The following SOAT1 variants were observed in gnomAD, a reference collection of about 807,000 sequenced individuals.
SOAT1 encodes sterol O-acyltransferase 1, also known as acyl-coenzyme A:cholesterol acyltransferase 1.
In SOAT1, 55 loss-of-function variants were observed where a neutral mutation model predicts 69.5. That is an observed-to-expected ratio of 0.79 (90% CI 0.64 to 0.99). SOAT1 has a LOEUF of 0.99. Among genes scored for constraint, SOAT1 ranks in the 50% least tolerant of loss-of-function variants. SOAT1 has a pLI of 0.00. For synonymous variants in SOAT1, 231 were observed against 224.7 expected, an observed-to-expected ratio of 1.03 and a Z score of -0.25; for missense variants, 580 against 669.3, an observed-to-expected ratio of 0.87 and a Z score of 1.47.
intron 6 of SOAT1, 30 bp downstream of exon 6, chr1:179,339,575 T>G: frequency 7.0e-7 from 1 of 1,430,754 alleles, no homozygotes. Context: ...GGCTGGCTAG[T>G]TGATGCATGA....
intron 2 of SOAT1, among the ~76,000 whole-genome samples, chr1:179,311,623 TTACTATTAC>T (rs1417607211): frequency 7.2e-5 from 11 of 152,322 alleles, no homozygotes; most frequent in Admixed American, 7.2e-4. Context: ...TGCCATTATA[TTACTATTAC>T]TATGTAACTT....
rs748233265 is a variant in SOAT1 at position 179,350,260 on chromosome 1, T to C, written c.1315-36T>C. The C allele has an allele frequency of 6.3e-6, 10 of 1,588,090 alleles. No individual in the cohort carries two copies. The East Asian group carries it at 1.6e-4, about 25-fold the overall frequency. On this transcript the variant is annotated intron_variant, in intron 13 of 15. Transcript: ENST00000367619. The stretch of plus-strand genomic sequence containing the variant: ...ATAATCCATGCTTGCTTTAAATTTT[T>C]AAAAATTACTTTGTAGTGTTTTCCT...
chr1:179,310,263 G>T (rs1377979309), intron 2 of SOAT1, among the ~76,000 whole-genome samples: 2 of 30,402 alleles, frequency 6.6e-5, no homozygotes, highest in African/African-American at 1.3e-4. Flanking sequence ...AAGAAAACAT[G>T]ACTTTTTTTT....
At chr1:179,334,023 T>C (rs1003994524) in intron 3 of SOAT1, among the ~76,000 whole-genome samples, 1 of 152,220 alleles carries the variant, frequency 6.6e-6, no homozygotes, top group African/African-American at 2.4e-5. Flanking sequence ...CTTGCAATGC[T>C]CTAGATGACC....
chr1:179,342,067 C>G, intron 7 of SOAT1, 47 bp from the exon 8 acceptor site: 1 of 1,611,096 alleles, frequency 6.2e-7, no homozygotes, highest in Non-Finnish European at 8.5e-7. Context: ...AGGACACTTG[C>G]AGGAGACTTT....
intron 2 of SOAT1, among the ~76,000 whole-genome samples, chr1:179,313,804 G>A (rs6694339): frequency 0.22 from 33,019 of 152,040 alleles, 4,599 homozygotes; most frequent in East Asian, 0.38. Context: ...GGCTGGTCTC[G>A]AACTCCTGAC....
At chr1:179,340,257 G>C (rs553783382) in intron 6 of SOAT1, among the ~76,000 whole-genome samples, 1 of 152,196 alleles carries the variant, frequency 6.6e-6, no homozygotes, top group East Asian at 1.9e-4. Flanking sequence ...CACTTTGGGA[G>C]GCCGAGGCGG....
intron 1 of SOAT1, among the ~76,000 whole-genome samples, chr1:179,296,743 T>C (rs1216025819): frequency 6.6e-6 from 1 of 152,210 alleles, no homozygotes; most frequent in Non-Finnish European, 1.5e-5. Context: ...CAAAGTTCTT[T>C]ACCTGGAGTA....
At chr1:179,304,527 C>A (rs1327813070) in intron 2 of SOAT1, among the ~76,000 whole-genome samples, 1 of 151,354 alleles carries the variant, frequency 6.6e-6, no homozygotes, top group Non-Finnish European at 1.5e-5. Flanking sequence ...ATCCACCAAC[C>A]TTAGCCTCCC....
chr1:179,316,176 C>T (rs1340996872), intron 2 of SOAT1, among the ~76,000 whole-genome samples: 2 of 152,082 alleles, frequency 1.3e-5, no homozygotes, highest in East Asian at 3.9e-4. Context: ...TTCCTCAAAG[C>T]CCTTGTTATT....
At chr1:179,343,143 G>A (rs1487062597) in intron 9 of SOAT1, among the ~76,000 whole-genome samples, 200 bp downstream of exon 9, 1 of 151,884 alleles carries the variant, frequency 6.6e-6, no homozygotes, top group Non-Finnish European at 1.5e-5. Context: ...GAATTATAAA[G>A]TATTTCATAT....
intron 2 of SOAT1, among the ~76,000 whole-genome samples, chr1:179,306,615 G>A (rs894008076): frequency 6.6e-6 from 1 of 151,976 alleles, no homozygotes; most frequent in African/African-American, 2.4e-5. Context: ...GGCAGATCAC[G>A]AGGTCAGGAG....
chr1:179,339,934 A>G (rs1666276661), intron 6 of SOAT1, among the ~76,000 whole-genome samples: 8 of 152,128 alleles, frequency 5.3e-5, no homozygotes. Flanking sequence ...GCTGATTGGG[A>G]TCTAGAGTAT....
At chr1:179,331,882 C>A (rs1665988216) in intron 3 of SOAT1, among the ~76,000 whole-genome samples, 1 of 152,162 alleles carries the variant, frequency 6.6e-6, no homozygotes, top group Admixed American at 6.5e-5. Context: ...TTAAAAGATT[C>A]TCTGTGCAAA....
intron 12 of SOAT1, 67 bp downstream of exon 12, chr1:179,347,764 C>T (rs937942746): frequency 1.1e-6 from 1 of 928,990 alleles, no homozygotes. Context: ...AGTATTTTGA[C>T]ATTGTTGGCT....
rs1666100826 is a variant in SOAT1 at position 179,335,033 on chromosome 1, A to G, written c.178-473A>G. 4.6e-5 allele frequency among the ~76,000 whole-genome samples: 7 copies of G among 151,080 alleles called. No individual in the cohort carries two copies. The South Asian group carries it at 1.5e-3, about 31-fold the overall frequency. On this transcript the variant is annotated intron_variant, in intron 3 of 15. Transcript: ENST00000367619. ...TCCATCTCAAAAAAAAAAAAAAAAA[A>G]AAAAGAAAGAAAAAAGAGAACTTAG...
chr1:179,305,345 C>A (rs1157753368), intron 2 of SOAT1, among the ~76,000 whole-genome samples: 1 of 152,110 alleles, frequency 6.6e-6, no homozygotes, highest in African/African-American at 2.4e-5. Context: ...CAGCCTCGAT[C>A]TCCTGGCCTC....
Position 179,345,194 on chromosome 1 carries a change from C to T in SOAT1, c.1117+118C>T, listed in dbSNP as rs1666486655. 5 of 887,042 alleles carry T rather than the reference C, an allele frequency of 5.6e-6. No individual in the cohort carries two copies. In the African/African-American group the frequency reaches 6.7e-5, roughly 12 times the overall value. 54.9% of individuals were successfully genotyped at this position (887,042 alleles called of 1,614,324 possible). On this transcript the variant is annotated intron_variant, in intron 11 of 15. Transcript: ENST00000367619. ...TCATCTAAACTTCTATACATCTATG[C>T]CCATCTTGACCTCTTTTGCATCTAC...
At chr1:179,296,724 G>A (rs1208178015) in intron 1 of SOAT1, among the ~76,000 whole-genome samples, 2 of 152,144 alleles carry the variant, frequency 1.3e-5, no homozygotes, top group Non-Finnish European at 2.9e-5. Flanking sequence ...GAATCTAAGG[G>A]TGATGTGGCA....
Sources: gnomAD v4.1 joint callset for allele counts (sites outside exome capture counted in the v4.1 genomes callset) on GRCh38, gnomAD v4.1.1 for gene constraint, MANE v1.5 for transcripts, NCBI Gene and HGNC (gene_info 2026-07-23, HGNC 2026-07-21) for gene names.